DGCR6L: variants seen among roughly 807,000 people sequenced by gnomAD.
The protein encoded by DGCR6L is protein DGCR6L.
In DGCR6L, 24 loss-of-function variants were observed where a neutral mutation model predicts 31.1. The observed-to-expected ratio is 0.77, with a 90% CI of 0.56 to 1.08. DGCR6L has a LOEUF of 1.08. Among genes scored for constraint, DGCR6L ranks in the 50% least tolerant of loss-of-function variants. The pLI is 0.00. For synonymous variants in DGCR6L, 104 were observed against 126.1 expected (o/e 0.82, Z 1.17); for missense variants, 218 against 287.1 (o/e 0.76, Z 1.74).
chr22:20,314,950 G>C (rs2146016131), intron 4 of DGCR6L, 126 bp from the exon 5 acceptor site: 1 of 1,545,018 alleles, frequency 6.5e-7, no homozygotes, highest in South Asian at 1.2e-5. Context: ...TGGCCTGCCA[G>C]GACAGGGTGG....
Position 20,319,649 on chromosome 22 carries a change from G to A in DGCR6L, c.261C>T (p.Asn87=). 1.2e-6 allele frequency: 2 copies of A among 1,611,414 alleles called. No individual in the cohort carries two copies. Among genetic ancestry groups the A allele is most frequent in the Admixed American group, 1.7e-5 (1 of 59,940 alleles). The change falls in exon 2 of 5, where the codon AAC becomes AAT. Residue 87 remains asparagine, a synonymous_variant. Transcript: ENST00000248879. ...GCTGCCCCCGCGCACCTCGGTGCTC[G>A]TTCTGTAGGCGCAGGCGCTGGTTGT... The part of the protein sequence containing the change: ...SLYNQRLRLQ[N]EHRVLRQALR...
chr22:20,317,189 G>A (rs1263728596), intron 2 of DGCR6L, among the ~76,000 whole-genome samples: 1 of 152,214 alleles, frequency 6.6e-6, no homozygotes, highest in East Asian at 1.9e-4. Flanking sequence ...CTCCCGCTGT[G>A]CCTACAGCCT....
intron 2 of DGCR6L, chr22:20,318,072 C>T (rs1471725694): frequency 5.0e-6 from 1 of 200,692 alleles, no homozygotes; most frequent in East Asian, 1.4e-4. Flanking sequence ...TTTAGCAAAT[C>T]AAATCCAGCA....
At chr22:20,316,516 G>A (rs867520421) in intron 2 of DGCR6L, among the ~76,000 whole-genome samples, 23 of 152,348 alleles carry the variant, frequency 1.5e-4, no homozygotes, top group Non-Finnish European at 2.5e-4. Context: ...GGAGGCAGGC[G>A]GGAGGGAGGC....
At position 20,316,104 on chromosome 22, in the gene DGCR6L, C is replaced by T. The variant is rs1286659067; in HGVS notation, c.372+15G>A. The T allele has an allele frequency of 1.3e-6, 2 of 1,596,878 alleles. No homozygotes were observed. The highest frequency in any genetic ancestry group is 2.3e-5 in the East Asian group (1 of 44,304). ...AGGAGAGCTGGGCCGGCCACCCTGCCTGCGCCCCCAGTACCTCTAGTTCTC... is the reference window on the plus strand; with the variant it reads ...AGGAGAGCTGGGCCGGCCACCCTGCTTGCGCCCCCAGTACCTCTAGTTCTC... On this transcript the variant is annotated intron_variant, in intron 3 of 4. Transcript: ENST00000248879.
chr22:20,316,247 G>A (rs2051570783), intron 2 of DGCR6L, 28 bp from the exon 3 acceptor site: 1 of 1,575,180 alleles, frequency 6.3e-7, no homozygotes, highest in Non-Finnish European at 8.6e-7. Context: ...CCGTCAGCAG[G>A]CGGTGGGACT....
intron 2 of DGCR6L, chr22:20,318,023 A>C (rs1451579528): frequency 8.4e-6 from 2 of 238,010 alleles, no homozygotes; most frequent in African/African-American, 4.6e-5. Context: ...ACTATAGACC[A>C]CAGTTTATCA....
Position 20,319,973 on chromosome 22 carries a change from C to T in DGCR6L, c.16G>A (p.Ala6Thr), listed in dbSNP as rs1046142818. ...CCGTCCGCCACCTCCTCCAAGGCGG[C>T]CGCGTAGCGCTCCATGGCGCGGACG... MERYA[A>T]ALEEVADGAR... The change falls in exon 1 of 5, where the codon GCC (alanine) becomes ACC (threonine). Residue 6 changes from alanine (A) to threonine (T), a missense_variant. By Grantham distance (58) the Ala-to-Thr change is moderately conservative. This residue lies in a region of DGCR6L where 77 missense variants were observed against 71.2 expected (regional missense o/e 1.08). Transcript: ENST00000248879. 6 of 1,596,368 alleles carry T rather than the reference C, an allele frequency of 3.8e-6. No individual in the cohort carries two copies. Among genetic ancestry groups the T allele is most frequent in the African/African-American group, 2.7e-5 (2 of 74,614 alleles).
chr22:20,315,560 CAT>C (rs2051565559), intron 3 of DGCR6L, 84 bp from the exon 4 acceptor site: 2 of 1,539,466 alleles, frequency 1.3e-6, no homozygotes, highest in Non-Finnish European at 1.7e-6. Flanking sequence ...AGCTCAAACA[CAT>C]GCTCCTGCTG....
chr22:20,318,968 TTAGTG>T (rs1432337808), intron 2 of DGCR6L, among the ~76,000 whole-genome samples: 1 of 152,246 alleles, frequency 6.6e-6, no homozygotes, highest in Non-Finnish European at 1.5e-5. Context: ...CTATTGAACT[TTAGTG>T]AAGAGCACAA....
rs765145232 is a variant in DGCR6L, at chr22:20,314,641, A to G, written c.*34T>C. On this transcript the variant is annotated 3_prime_UTR_variant, in exon 5 of 5. Transcript: ENST00000248879. ...GGAAGGCAGTGGCCAAAGGTCAAGA[A>G]GATGAACTCTGCCCAGACTTCTGCT... is the stretch of plus-strand genomic sequence containing the variant. 5 of 1,551,018 alleles carry G rather than the reference A, an allele frequency of 3.2e-6. No homozygotes were observed. Among genetic ancestry groups the G allele is most frequent in the Middle Eastern group, 2.4e-4 (1 of 4,164 alleles).
intron 2 of DGCR6L, chr22:20,318,076 TC>T (rs2051583179): frequency 2.0e-5 from 4 of 196,962 alleles, no homozygotes. Context: ...GCAAATCAAA[TC>T]CAGCATACAT....
chr22:20,315,588 G>C (rs2146016854), intron 3 of DGCR6L, 112 bp from the exon 4 acceptor site: 1 of 1,470,630 alleles, frequency 6.8e-7, no homozygotes, highest in Non-Finnish European at 9.1e-7. Flanking sequence ...CCCAGTGGCA[G>C]CAGCTCTGAC....
Position 20,315,447 on chromosome 22 carries a change from C to A in DGCR6L, c.402G>T (p.Gln134His). ...EAVEHRIREE[Q>H]RAMDQKIILE... ...GGATGATCTTCTGGTCCATCGCCCGCTGCTCCTCACGGATCCGGTGTTCCA... is the reference window on the plus strand; with the variant it reads ...GGATGATCTTCTGGTCCATCGCCCGATGCTCCTCACGGATCCGGTGTTCCA... Residue 134 changes from glutamine to histidine, a missense_variant, in exon 4 of 5, where the codon CAG becomes CAT. Physicochemically the swap from Gln to His is conservative, Grantham distance 24 (BLOSUM62 0). Around this residue, in one of 4 missense-constraint regions of DGCR6L, gnomAD observed 78 missense variants for 90.0 expected, o/e 0.87. Coordinates refer to ENST00000248879, the MANE Select transcript of DGCR6L (RefSeq NM_033257.4). 1 of 1,613,778 alleles carries A rather than the reference C, an allele frequency of 6.2e-7. No individual in the cohort carries two copies. Among genetic ancestry groups the A allele is most frequent in the South Asian group, 1.1e-5 (1 of 91,090 alleles).
At position 20,319,773 on chromosome 22, in the gene DGCR6L, G is replaced by C. The variant is rs779074289; in HGVS notation, c.137C>G (p.Thr46Ser). 2 of 1,612,218 alleles carry C rather than the reference G, an allele frequency of 1.2e-6. No homozygotes were observed. The highest frequency in any genetic ancestry group is 2.7e-5 in the African/African-American group (2 of 74,944). The change falls in exon 2 of 5, where the codon ACC (threonine) becomes AGC (serine). Residue 46 changes from threonine to serine, a missense_variant. By Grantham distance (58) the Thr-to-Ser change is moderately conservative (BLOSUM62 1). Coordinates refer to ENST00000248879, the MANE Select transcript of DGCR6L (RefSeq NM_033257.4). The stretch of plus-strand genomic sequence containing the variant: ...CGCCAGGGCCAGGTCGCTGAGCGTG[G>C]TGTAGGACAGGCGCTGCTGGAAAGA... ...PSSFQQRLSY[T>S]TLSDLALALL...
chr22:20,316,919 G>C lies in DGCR6L; in HGVS notation c.272-700C>G, dbSNP rs540064349. On this transcript the variant is annotated intron_variant, in intron 2 of 4. Coordinates refer to ENST00000248879, the MANE Select transcript of DGCR6L (RefSeq NM_033257.4). ...AACACAGATGTGTGCAAACTGTCTGGTCTGAAGGGAATGTACAGAGGAAGC... is the reference window on the plus strand; with the variant it reads ...AACACAGATGTGTGCAAACTGTCTGCTCTGAAGGGAATGTACAGAGGAAGC... Among the ~76,000 whole-genome samples, 7 of 152,332 alleles carry C rather than the reference G, an allele frequency of 4.6e-5. No homozygotes were observed. In the South Asian group the frequency reaches 1.0e-3, roughly 23 times the overall value.
intron 2 of DGCR6L, among the ~76,000 whole-genome samples, chr22:20,317,920 C>A (rs576419824): frequency 1.5e-4 from 23 of 152,362 alleles, no homozygotes; most frequent in Admixed American, 6.5e-5. Flanking sequence ...TCTACACAAA[C>A]TCTTCTGGAA....
chr22:20,315,950 G>T (rs1008503636), intron 3 of DGCR6L, among the ~76,000 whole-genome samples, 169 bp downstream of exon 3: 4 of 152,290 alleles, frequency 2.6e-5, no homozygotes, highest in Non-Finnish European at 4.4e-5. Flanking sequence ...CTTGGTATCC[G>T]CAAAGAGGAG....
At chr22:20,317,568 ACAG>A (rs1352959697) in intron 2 of DGCR6L, among the ~76,000 whole-genome samples, 1 of 152,282 alleles carries the variant, frequency 6.6e-6, no homozygotes, top group African/African-American at 2.4e-5. Context: ...TGAAGCACAA[ACAG>A]CATTGGGCCC....
Sources: gnomAD v4.1 joint callset for allele counts (sites outside exome capture counted in the v4.1 genomes callset) on GRCh38, gnomAD v4.1.1 for gene constraint, gnomAD v4.1.1 regional missense constraint, MANE v1.5 for transcripts, NCBI Gene and HGNC (gene_info 2026-07-23, HGNC 2026-07-21) for gene names.